Variants in ADAM22 observed in about 807,000 individuals in gnomAD.
ADAM22 encodes the protein disintegrin and metalloproteinase domain-containing protein 22.
A neutral mutation model predicts 144.6 loss-of-function variants in ADAM22; 65 were observed. The observed-to-expected ratio is 0.45, with a 90% CI of 0.37 to 0.55. The LOEUF is 0.55. Among genes scored for constraint, ADAM22 ranks in the 20% least tolerant of loss-of-function variants. The probability of loss-of-function intolerance (pLI) is 0.00; values close to 1 mark genes in which losing one functional copy is unlikely to be tolerated. For missense variants in ADAM22, 974 were observed against 1,184.9 expected (o/e 0.82, Z 2.61); for synonymous variants, 391 against 412.6 (o/e 0.95, Z 0.63).
intron 3 of ADAM22, among the ~76,000 whole-genome samples, chr7:87,999,914 G>A (rs938895842): frequency 6.6e-6 from 1 of 151,690 alleles, no homozygotes; most frequent in Non-Finnish European, 1.5e-5. Flanking sequence ...GCTCCAGGCT[G>A]TAGTGTTCCA....
chr7:88,154,836 G>C (rs1281166807), intron 21 of ADAM22, among the ~76,000 whole-genome samples: 11 of 151,890 alleles, frequency 7.2e-5, no homozygotes, highest in Non-Finnish European at 1.5e-4. Flanking sequence ...TTCTATGTTG[G>C]TGAAAAATAC....
At chr7:88,161,913 C>T (rs1231526103) in intron 22 of ADAM22, among the ~76,000 whole-genome samples, 1 of 151,698 alleles carries the variant, frequency 6.6e-6, no homozygotes, top group Admixed American at 6.6e-5. Context: ...TCTTCAAAGA[C>T]CTAAAAACAA....
chr7:87,948,758 T>C (rs986308668), intron 2 of ADAM22, among the ~76,000 whole-genome samples: 5 of 152,162 alleles, frequency 3.3e-5, no homozygotes, highest in African/African-American at 1.2e-4. Flanking sequence ...TGCTTATGTG[T>C]CCATTAAGGA....
intron 3 of ADAM22, among the ~76,000 whole-genome samples, chr7:88,044,134 A>T (rs934554367): frequency 6.6e-6 from 1 of 152,248 alleles, no homozygotes; most frequent in Non-Finnish European, 1.5e-5. Context: ...TCAAAATTGT[A>T]GTCAAATAAT....
At chr7:88,178,203 G>A (rs916808736) in intron 26 of ADAM22, among the ~76,000 whole-genome samples, 1 of 152,158 alleles carries the variant, frequency 6.6e-6, no homozygotes, top group Non-Finnish European at 1.5e-5. Context: ...ACAGTAGAGA[G>A]AGAGAACTAA....
intron 7 of ADAM22, among the ~76,000 whole-genome samples, chr7:88,121,023 T>C (rs1829161568): frequency 6.6e-6 from 1 of 152,204 alleles, no homozygotes. Context: ...GAAAACAGTT[T>C]CCTTTCATCA....
At chr7:87,949,084 T>C (rs1335083933) in intron 2 of ADAM22, among the ~76,000 whole-genome samples, 1 of 152,200 alleles carries the variant, frequency 6.6e-6, no homozygotes, top group African/African-American at 2.4e-5. Context: ...ATGGAGAGGA[T>C]CGTGGACCTC....
intron 3 of ADAM22, among the ~76,000 whole-genome samples, chr7:87,996,933 C>A (rs1293130545): frequency 6.6e-6 from 1 of 152,166 alleles, no homozygotes; most frequent in Non-Finnish European, 1.5e-5. Context: ...TGAGTTAATG[C>A]ATATGAAACA....
chr7:88,153,453 T>G, intron 21 of ADAM22, 127 bp downstream of exon 21: 3 of 672,036 alleles, frequency 4.5e-6, no homozygotes. Context: ...ACCTCATCTC[T>G]TCCCAGTGTT....
chr7:88,039,464 A>T (rs12672861), intron 3 of ADAM22, among the ~76,000 whole-genome samples: 6,803 of 76,286 alleles, frequency 0.089, 883 homozygotes, highest in East Asian at 0.33. Flanking sequence ...AAAAAAAAAA[A>T]ATATATATAT....
chr7:88,084,016 A>G (rs1028940734), intron 4 of ADAM22, among the ~76,000 whole-genome samples: 1 of 152,128 alleles, frequency 6.6e-6, no homozygotes, highest in African/African-American at 2.4e-5. Flanking sequence ...TTTCTGATGT[A>G]GAGTATCTCT....
chr7:88,186,373 GA>G, intron 29 of ADAM22: 3 of 475,094 alleles, frequency 6.3e-6, no homozygotes, highest in Admixed American at 4.0e-5. Context: ...GAAGCCACTG[GA>G]AAAGGCTTTC....
chr7:87,938,499 A>G (rs956811538), intron 2 of ADAM22, among the ~76,000 whole-genome samples: 8 of 151,660 alleles, frequency 5.3e-5, no homozygotes, highest in Non-Finnish European at 8.8e-5. Flanking sequence ...GATTACAAAC[A>G]TGAGCCACCA....
At chr7:88,019,857 ATGTGTGTGTG>A (rs35909431) in intron 3 of ADAM22, among the ~76,000 whole-genome samples, 1,655 of 139,040 alleles carry the variant, frequency 0.012, 29 homozygotes, top group African/African-American at 0.037. Flanking sequence ...CTCAAAAAAT[ATGTGTGTGTG>A]TGTGTGTGTG....
intron 26 of ADAM22, among the ~76,000 whole-genome samples, chr7:88,174,767 G>T (rs1845223752): frequency 6.6e-6 from 1 of 151,900 alleles, no homozygotes; most frequent in South Asian, 2.1e-4. Context: ...TTTGATTTAT[G>T]GTTTCACTTT....
At chr7:88,075,548 T>C (rs1484468223) in intron 3 of ADAM22, 78 bp from the exon 4 acceptor site, 9 of 1,218,578 alleles carry the variant, frequency 7.4e-6, no homozygotes, top group South Asian at 7.4e-5. Context: ...AAAGCAGATA[T>C]GTGTAAACTA....
chr7:88,017,516 T>TA (rs1796805093), intron 3 of ADAM22, among the ~76,000 whole-genome samples: 1 of 152,226 alleles, frequency 6.6e-6, no homozygotes, highest in African/African-American at 2.4e-5. Flanking sequence ...ATCAATTTGC[T>TA]ATATATGTAG....
chr7:88,081,021 T>G (rs1298998517), intron 4 of ADAM22, among the ~76,000 whole-genome samples: 1 of 152,156 alleles, frequency 6.6e-6, no homozygotes, highest in African/African-American at 2.4e-5. Flanking sequence ...TACCAAAGCC[T>G]GGCAGAGACA....
At chr7:88,014,787 A>T (rs1477767397) in intron 3 of ADAM22, among the ~76,000 whole-genome samples, 1 of 152,232 alleles carries the variant, frequency 6.6e-6, no homozygotes, top group Non-Finnish European at 1.5e-5. Flanking sequence ...TTACCAAGTC[A>T]TCATTCCATT....
Sources: allele counts gnomAD v4.1 joint callset (sites outside exome capture counted in the v4.1 genomes callset), GRCh38; gene constraint gnomAD v4.1.1; transcripts MANE v1.5; gene names NCBI Gene and HGNC (gene_info 2026-07-23, HGNC 2026-07-21).